Variants in CCT4 observed in about 807,000 individuals in gnomAD.
CCT4 encodes T-complex protein 1 subunit delta.
CCT4 carries 17 observed loss-of-function variants against 62.5 expected under a neutral mutation model. That is an observed-to-expected ratio of 0.27 (90% CI 0.19 to 0.41). CCT4 has a LOEUF of 0.41. Among genes scored for constraint, CCT4 ranks in the 10% least tolerant of loss-of-function variants. The pLI is 1.00. For missense variants in CCT4, 592 were observed against 659.2 expected (o/e 0.90, Z 1.12); for synonymous variants, 250 against 229.9 (o/e 1.09, Z -0.79).
chr2:61,888,301 G>T, intron 1 of CCT4, 80 bp downstream of exon 1: 1 of 1,514,852 alleles, frequency 6.6e-7, no homozygotes. Flanking sequence ...AATGGGAAAT[G>T]AGCCAAACCC....
intron 10 of CCT4, among the ~76,000 whole-genome samples, 176 bp downstream of exon 10, chr2:61,872,826 C>G (rs569454316): frequency 2.6e-5 from 4 of 152,228 alleles, no homozygotes; most frequent in Admixed American, 6.5e-5. Context: ...TCCCGGGAGG[C>G]TGAGGCAGGA....
At position 61,876,215 on chromosome 2, in the gene CCT4, A is replaced by G. The variant is rs1437992627; in HGVS notation, c.797T>C (p.Val266Ala). 3 of 1,607,148 alleles carry G rather than the reference A, an allele frequency of 1.9e-6. No homozygotes were observed. Residue 266 changes from valine (V) to alanine (A), a missense_variant, in exon 8 of 14, where the codon GTT becomes GCT. By Grantham distance (64) the Val-to-Ala change is moderately conservative. This residue lies in a region of CCT4 where 522 missense variants were observed against 571.2 expected (regional missense o/e 0.91). Coordinates refer to ENST00000394440, the MANE Select transcript of CCT4 (RefSeq NM_006430.4). ...TCGGTCCATCTGGGCATAGTCAGAA[A>G]CCACTATTTGATTATCCATCTGTTC... Reference protein sequence around the residue: ...PKTDMDNQIVVSDYAQMDRVL... With the variant: ...PKTDMDNQIVASDYAQMDRVL...
At chr2:61,888,246 A>G (rs555662261) in intron 1 of CCT4, 135 bp downstream of exon 1, 73 of 1,067,440 alleles carry the variant, frequency 6.8e-5, no homozygotes, top group Non-Finnish European at 9.2e-5. Flanking sequence ...GGATCCCTCC[A>G]CTGGGCTGCT....
intron 12 of CCT4, among the ~76,000 whole-genome samples, chr2:61,871,198 A>AT (rs200471407): frequency 3.9e-4 from 57 of 147,168 alleles, no homozygotes; most frequent in African/African-American, 7.9e-4. Context: ...CGCCTGGCTA[A>AT]TTTTTTTTTT....
rs1411297134 is a variant in CCT4, at chr2:61,872,350, A to T, written c.1257-34T>A. The stretch of plus-strand genomic sequence containing the variant: ...CACAAATATATTTTTAGCTTATTTT[A>T]TCCAAAAGAAAATTATTTTTAATAA... On this transcript the variant is annotated intron_variant, in intron 11 of 13. Coordinates refer to ENST00000394440, the MANE Select transcript of CCT4 (RefSeq NM_006430.4). The T allele has an allele frequency of 4.7e-6, 7 of 1,479,300 alleles. No homozygotes were observed. The Admixed American group carries it at 1.4e-4, about 30-fold the overall frequency. 91.6% of individuals were successfully genotyped at this position (1,479,300 alleles called of 1,614,324 possible).
chr2:61,883,700 C>T (rs1221828026), intron 2 of CCT4, 152 bp from the exon 3 acceptor site: 13 of 537,618 alleles, frequency 2.4e-5, no homozygotes, highest in Admixed American at 1.8e-4. Flanking sequence ...TTTAAGAATA[C>T]GCAATAACAG....
chr2:61,872,351 T>C lies in CCT4; in HGVS notation c.1257-35A>G, dbSNP rs757820199. Reference sequence around the variant, plus strand: ...ACAAATATATTTTTAGCTTATTTTATCCAAAAGAAAATTATTTTTAATAAT... The same window carrying C: ...ACAAATATATTTTTAGCTTATTTTACCCAAAAGAAAATTATTTTTAATAAT... On this transcript the variant is annotated intron_variant, in intron 11 of 13. Transcript: ENST00000394440. The C allele has an allele frequency of 2.7e-6, 4 of 1,479,770 alleles. No homozygotes were observed. In the African/African-American group the frequency reaches 5.7e-5, roughly 21 times the overall value. 91.7% of individuals were successfully genotyped at this position (1,479,770 alleles called of 1,614,324 possible).
intron 3 of CCT4, among the ~76,000 whole-genome samples, chr2:61,881,923 T>C (rs1264020075): frequency 4.0e-5 from 6 of 150,412 alleles, no homozygotes; most frequent in Non-Finnish European, 7.4e-5. Flanking sequence ...AGGGATTTTT[T>C]TGATAGAAGT....
intron 3 of CCT4, 39 bp from the exon 4 acceptor site, chr2:61,880,433 T>G: frequency 8.8e-7 from 1 of 1,133,424 alleles, no homozygotes; most frequent in Non-Finnish European, 1.3e-6. Flanking sequence ...CAATGAGAAA[T>G]GACAGAACCC....
chr2:61,872,785 G>A (rs1668911361), intron 10 of CCT4, among the ~76,000 whole-genome samples, 197 bp from the exon 11 acceptor site: 1 of 152,148 alleles, frequency 6.6e-6, no homozygotes, highest in South Asian at 2.1e-4. Flanking sequence ...AAATTAGCAG[G>A]GCGTGGTGGC....
At chr2:61,873,949 C>G (rs1572916639) in intron 8 of CCT4, among the ~76,000 whole-genome samples, 2 of 152,126 alleles carry the variant, frequency 1.3e-5, no homozygotes, top group South Asian at 2.1e-4. Context: ...ATCCTCCCAC[C>G]TCGGCCCCAC....
intron 5 of CCT4, among the ~76,000 whole-genome samples, chr2:61,878,305 T>C (rs2105133379): frequency 6.6e-6 from 1 of 152,310 alleles, no homozygotes; most frequent in South Asian, 2.1e-4. Context: ...TTAAGTTTGG[T>C]AAATAAGAAA....
At chr2:61,884,076 T>C (rs1045724233) in intron 2 of CCT4, among the ~76,000 whole-genome samples, 2 of 149,444 alleles carry the variant, frequency 1.3e-5, no homozygotes, top group Non-Finnish European at 3.0e-5. Flanking sequence ...TTGTTTTATC[T>C]CACAGAGACC....
In CCT4 at chr2:61,878,943, C is replaced by T; in HGVS notation, c.448G>A (p.Asp150Asn). 1.2e-6 allele frequency: 2 copies of T among 1,610,728 alleles called. No individual in the cohort carries two copies. The highest frequency in any genetic ancestry group is 1.7e-6 in the Non-Finnish European group (2 of 1,177,620). ...ALEKGIEILT[D>N]MSRPVELSDR... is the part of the protein sequence containing the mutation. ...CTCAGTTCCACAGGTCGAGACATGT[C>T]AGTCAAGATTTCAATGCCCTTTTCC... The change falls in exon 5 of 14, where the codon GAC becomes AAC. Residue 150 changes from aspartate to asparagine, a missense_variant. Physicochemically the swap from Asp to Asn is conservative, Grantham distance 23. This residue lies in a region of CCT4 where 522 missense variants were observed against 571.2 expected (regional missense o/e 0.91). Transcript: ENST00000394440.
chr2:61,872,906 G>A (rs760588140), intron 10 of CCT4, 96 bp downstream of exon 10: 59 of 774,226 alleles, frequency 7.6e-5, no homozygotes, highest in Non-Finnish European at 1.2e-4. Context: ...CAACCTGGGC[G>A]ACAGAGTGAG....
chr2:61,885,056 A>G lies in CCT4; in HGVS notation c.144T>C (p.Ile48=). 1.3e-6 allele frequency: 2 copies of G among 1,558,244 alleles called. No individual in the cohort carries two copies. The highest frequency in any genetic ancestry group is 1.7e-6 in the Non-Finnish European group (2 of 1,160,158). ...ISAAKAVADA[I]RTSLGPKGMD... ...TTCCTTTTGGTCCAAGGCTTGTTCT[A>G]ATAGCATCAGCAACCGCTGCAGATG... Residue 48 remains isoleucine (I), a synonymous_variant, in exon 2 of 14, where the codon ATT becomes ATC. Coordinates refer to ENST00000394440, the MANE Select transcript of CCT4 (RefSeq NM_006430.4).
intron 2 of CCT4, 91 bp from the exon 3 acceptor site, chr2:61,883,639 G>T: frequency 1.5e-6 from 1 of 680,208 alleles, no homozygotes; most frequent in Non-Finnish European, 2.5e-6. Flanking sequence ...GTTAATTTCT[G>T]TTTGCAAAGT....
intron 8 of CCT4, 97 bp from the exon 9 acceptor site, chr2:61,873,390 AATC>A (rs1423097521): frequency 1.6e-6 from 1 of 621,224 alleles, no homozygotes; most frequent in Admixed American, 2.9e-5. Context: ...TTAAATGGCC[AATC>A]ATTATTTCTG....
At chr2:61,879,514 T>C (rs1053614079) in intron 4 of CCT4, among the ~76,000 whole-genome samples, 3 of 149,884 alleles carry the variant, frequency 2.0e-5, no homozygotes, top group African/African-American at 4.9e-5. Context: ...TTGGGCTCAA[T>C]TGTTCTGCCA....
Sources: allele counts gnomAD v4.1 joint callset (sites outside exome capture counted in the v4.1 genomes callset), GRCh38; gene constraint gnomAD v4.1.1; regional missense constraint gnomAD v4.1.1; transcripts MANE v1.5; gene names NCBI Gene and HGNC (gene_info 2026-07-23, HGNC 2026-07-21).